CNTN4: variants seen among roughly 807,000 people sequenced by gnomAD.
CNTN4 encodes contactin 4, also known as contactin-4.
In CNTN4, 77 loss-of-function variants were observed where a neutral mutation model predicts 122.5. The ratio of observed to expected loss-of-function variants is 0.63; its 90% CI spans 0.52 to 0.76. The LOEUF is 0.76. CNTN4 is among the 30% of genes least tolerant of loss of function. The probability of loss-of-function intolerance (pLI) is 0.00; values close to 1 mark genes in which losing one functional copy is unlikely to be tolerated. For synonymous variants in CNTN4, 512 were observed against 447.0 expected (o/e 1.15, Z -1.83); for missense variants, 1,256 against 1,259.1 (o/e 1.00, Z 0.04).
intron 2 of CNTN4, among the ~76,000 whole-genome samples, chr3:2,132,812 G>C (rs921219872): frequency 6.6e-6 from 1 of 152,078 alleles, no homozygotes; most frequent in African/African-American, 2.4e-5. Flanking sequence ...TGGATGACAG[G>C]GCCCATTTCT....
chr3:2,757,506 C>T (rs75076395), intron 6 of CNTN4, among the ~76,000 whole-genome samples: 2,875 of 152,232 alleles, frequency 0.019, 35 homozygotes, highest in South Asian at 0.045. Context: ...TGGCTGTAAC[C>T]GTTCCACTGT....
intron 4 of CNTN4, among the ~76,000 whole-genome samples, chr3:2,604,544 C>G (rs2081180780): frequency 6.6e-6 from 1 of 151,998 alleles, no homozygotes; most frequent in African/African-American, 2.4e-5. Flanking sequence ...TAAAGTAGGG[C>G]AGATTTGTTC....
chr3:2,288,759 A>G (rs1334212107), intron 2 of CNTN4, among the ~76,000 whole-genome samples: 2 of 152,338 alleles, frequency 1.3e-5, no homozygotes, highest in South Asian at 2.1e-4. Context: ...TCTGGAAATC[A>G]GAATGAAAGA....
chr3:2,826,604 C>G (rs756199887), intron 7 of CNTN4, among the ~76,000 whole-genome samples: 2 of 152,176 alleles, frequency 1.3e-5, no homozygotes, highest in Non-Finnish European at 2.9e-5. Context: ...TCTCTGAGCC[C>G]TATTTCTTCA....
chr3:2,124,722 A>G (rs2034030715), intron 2 of CNTN4, among the ~76,000 whole-genome samples: 1 of 152,116 alleles, frequency 6.6e-6, no homozygotes, highest in African/African-American at 2.4e-5. Context: ...GCAGTAAGCT[A>G]TGTTCATGCT....
intron 7 of CNTN4, among the ~76,000 whole-genome samples, chr3:2,864,228 C>A (rs9846999): frequency 0.25 from 38,331 of 152,004 alleles, 5,150 homozygotes; most frequent in South Asian, 0.33. Context: ...AGAAGCTGAA[C>A]ATGAAGTTTA....
At chr3:2,825,072 G>T (rs1031563074) in intron 7 of CNTN4, among the ~76,000 whole-genome samples, 1 of 152,116 alleles carries the variant, frequency 6.6e-6, no homozygotes, top group Non-Finnish European at 1.5e-5. Flanking sequence ...GCTTTTCCTA[G>T]GTACTCATAC....
chr3:2,972,004 C>G (rs1692974717), intron 13 of CNTN4, among the ~76,000 whole-genome samples: 1 of 152,140 alleles, frequency 6.6e-6, no homozygotes, highest in Non-Finnish European at 1.5e-5. Flanking sequence ...AACCTGAATG[C>G]TTATATAAAA....
At chr3:2,651,963 T>C (rs1311011311) in intron 4 of CNTN4, among the ~76,000 whole-genome samples, 1 of 151,964 alleles carries the variant, frequency 6.6e-6, no homozygotes, top group South Asian at 2.1e-4. Context: ...CGCCTTGGCC[T>C]TCCAAAGTGC....
At chr3:2,110,555 C>A (rs548929821) in intron 2 of CNTN4, 1 of 152,330 alleles carries the variant, frequency 6.6e-6, no homozygotes, top group African/African-American at 2.4e-5. Context: ...CTTTCTGCTG[C>A]CTTTCAGATT....
At chr3:2,708,739 A>T (rs1157493874) in intron 4 of CNTN4, among the ~76,000 whole-genome samples, 5 of 29,486 alleles carry the variant, frequency 1.7e-4, no homozygotes, top group Admixed American at 4.8e-4. Flanking sequence ...ACACACACAC[A>T]CACACACACA....
At chr3:2,164,807 C>T (rs2036126201) in intron 2 of CNTN4, among the ~76,000 whole-genome samples, 1 of 151,846 alleles carries the variant, frequency 6.6e-6, no homozygotes, top group African/African-American at 2.4e-5. Flanking sequence ...GAAAAATGTG[C>T]GTTTTGATAC....
At chr3:2,546,336 A>AG (rs2149330075) in intron 3 of CNTN4, among the ~76,000 whole-genome samples, 1 of 152,018 alleles carries the variant, frequency 6.6e-6, no homozygotes, top group African/African-American at 2.4e-5. Context: ...AAAAAAAAAA[A>AG]AGAACAAGAT....
At chr3:2,791,243 G>A (rs1559507334) in intron 6 of CNTN4, among the ~76,000 whole-genome samples, 1 of 152,120 alleles carries the variant, frequency 6.6e-6, no homozygotes, top group Non-Finnish European at 1.5e-5. Flanking sequence ...TTAAAGATGA[G>A]GAAACTGACT....
intron 6 of CNTN4, among the ~76,000 whole-genome samples, chr3:2,767,576 C>G (rs564327452): frequency 1.3e-5 from 2 of 151,998 alleles, no homozygotes; most frequent in Admixed American, 6.6e-5. Flanking sequence ...TTAGTTGCCC[C>G]ATTGACAGAC....
intron 4 of CNTN4, among the ~76,000 whole-genome samples, chr3:2,633,056 A>G (rs887584538): frequency 1.3e-5 from 2 of 151,050 alleles, no homozygotes; most frequent in South Asian, 2.1e-4. Context: ...AAGGTTGTAC[A>G]CTATCTGCCT....
chr3:2,200,662 G>A lies in CNTN4; in HGVS notation c.-145+100023G>A, dbSNP rs548335126. ...GCTAAATTAATATATTTTAAAGCAGGATGAAAGTTTTAAATGCTCTGCAGA... is the reference window on the plus strand; with the variant it reads ...GCTAAATTAATATATTTTAAAGCAGAATGAAAGTTTTAAATGCTCTGCAGA... On this transcript the variant is annotated intron_variant, in intron 2 of 24. Coordinates refer to ENST00000418658, the MANE Select transcript of CNTN4 (RefSeq NM_175607.3). Among the ~76,000 whole-genome samples, 3 of 152,266 alleles carry A rather than the reference G, an allele frequency of 2.0e-5. No individual in the cohort carries two copies. In the East Asian group the frequency reaches 5.8e-4, roughly 29 times the overall value.
At chr3:2,934,171 A>T (rs2094548512) in intron 13 of CNTN4, among the ~76,000 whole-genome samples, 1 of 152,220 alleles carries the variant, frequency 6.6e-6, no homozygotes, top group Non-Finnish European at 1.5e-5. Context: ...AGTTTTGAAG[A>T]CACAATAAAA....
At chr3:2,328,750 T>C (rs1311760437) in intron 2 of CNTN4, among the ~76,000 whole-genome samples, 2 of 152,194 alleles carry the variant, frequency 1.3e-5, no homozygotes, top group Non-Finnish European at 2.9e-5. Context: ...TTAGGTGTTA[T>C]AAGTAATCTA....
Sources: allele counts gnomAD v4.1 joint callset (sites outside exome capture counted in the v4.1 genomes callset), GRCh38; gene constraint gnomAD v4.1.1; transcripts MANE v1.5; gene names NCBI Gene and HGNC (gene_info 2026-07-23, HGNC 2026-07-21).